Variants in PARD3B observed in about 807,000 individuals in gnomAD.
PARD3B encodes par-3 family cell polarity regulator beta.
PARD3B carries 103 observed loss-of-function variants against 130.2 expected under a neutral mutation model. The observed-to-expected ratio is 0.79, with a 90% CI of 0.67 to 0.93. The LOEUF (loss-of-function observed/expected upper bound fraction) is 0.93, where lower values mean the gene tolerates loss of function less well. PARD3B is among the 40% of genes least tolerant of loss of function. The pLI is 0.00. For synonymous variants in PARD3B, 583 were observed against 553.2 expected (o/e 1.05, Z -0.76); for missense variants, 1,609 against 1,499.2 (o/e 1.07, Z -1.21).
chr2:204,666,198 T>A (rs2036015128), intron 1 of PARD3B, among the ~76,000 whole-genome samples: 3 of 151,920 alleles, frequency 2.0e-5, no homozygotes, highest in Non-Finnish European at 2.9e-5. Context: ...AAGCAACTAA[T>A]CATAGAGGCA....
At chr2:205,496,916 G>T (rs1284452070) in intron 20 of PARD3B, among the ~76,000 whole-genome samples, 1 of 151,540 alleles carries the variant, frequency 6.6e-6, no homozygotes, top group African/African-American at 2.4e-5. Context: ...TTTGCACCAT[G>T]TTGATTGAAC....
chr2:204,674,139 A>C (rs2125215387), intron 1 of PARD3B, among the ~76,000 whole-genome samples: 1 of 152,328 alleles, frequency 6.6e-6, no homozygotes, highest in Middle Eastern at 3.4e-3. Flanking sequence ...AAGATAAATG[A>C]GGTTTCTGAA....
chr2:205,099,219 G>C (rs749983916), intron 4 of PARD3B, among the ~76,000 whole-genome samples: 11 of 152,136 alleles, frequency 7.2e-5, no homozygotes, highest in African/African-American at 2.7e-4. Context: ...AATAGAAGCT[G>C]TAAGAATTAT....
chr2:204,616,773 A>G (rs59978061), intron 1 of PARD3B, among the ~76,000 whole-genome samples: 2,680 of 152,304 alleles, frequency 0.018, 76 homozygotes, highest in East Asian at 0.13. Context: ...AGACAATGGA[A>G]TATTATTCAG....
At chr2:205,262,983 G>C (rs1180456844) in intron 16 of PARD3B, among the ~76,000 whole-genome samples, 1 of 151,994 alleles carries the variant, frequency 6.6e-6, no homozygotes, top group African/African-American at 2.4e-5. Flanking sequence ...GAAAATTCTG[G>C]ATCTAGGCAT....
chr2:204,982,073 TGGTAAGTTGA>T (rs1171133506), intron 3 of PARD3B, among the ~76,000 whole-genome samples: 3 of 152,174 alleles, frequency 2.0e-5, no homozygotes, highest in Non-Finnish European at 4.4e-5. Flanking sequence ...AGACAACTTC[TGGTAAGTTGA>T]GCCTGTCAGT....
intron 1 of PARD3B, among the ~76,000 whole-genome samples, chr2:204,625,905 A>G (rs1171843667): frequency 1.3e-5 from 2 of 152,180 alleles, no homozygotes; most frequent in African/African-American, 2.4e-5. Context: ...GAGACTAAAT[A>G]TGCTTAAAAT....
intron 1 of PARD3B, among the ~76,000 whole-genome samples, chr2:204,613,599 A>G (rs901946354): frequency 2.0e-5 from 3 of 150,682 alleles, no homozygotes; most frequent in African/African-American, 7.3e-5. Context: ...TTGGCCACCT[A>G]TTTTCCCTTT....
intron 12 of PARD3B, among the ~76,000 whole-genome samples, chr2:205,174,404 C>T (rs756245242): frequency 2.0e-5 from 3 of 152,180 alleles, no homozygotes; most frequent in Non-Finnish European, 4.4e-5. Context: ...ACTTGACTCT[C>T]GGCTACTGAG....
intron 19 of PARD3B, among the ~76,000 whole-genome samples, chr2:205,437,918 A>G (rs1005407447): frequency 4.6e-5 from 7 of 152,220 alleles, no homozygotes; most frequent in African/African-American, 1.7e-4. Flanking sequence ...GACTATAAAC[A>G]AGTAAAATTC....
rs142960472 is a variant in PARD3B, at chr2:205,536,021, C to G, written c.3181-17303C>G. ...AGCCTAATAAAAATGTGGCAGCAGGCCTAATGAAAATTGGAATGGATCTAA... is the reference window on the plus strand; with the variant it reads ...AGCCTAATAAAAATGTGGCAGCAGGGCTAATGAAAATTGGAATGGATCTAA... On this transcript the variant is annotated intron_variant, in intron 21 of 22. Coordinates refer to ENST00000406610, the MANE Select transcript of PARD3B (RefSeq NM_001302769.2). Among the ~76,000 whole-genome samples, 460 of 152,184 alleles carry G rather than the reference C, an allele frequency of 3.0e-3. 4 individuals carry two copies. The highest frequency in any genetic ancestry group is 0.011 in the African/African-American group (443 of 41,538).
intron 2 of PARD3B, among the ~76,000 whole-genome samples, chr2:204,789,245 A>G (rs1230028743): frequency 2.6e-5 from 4 of 152,034 alleles, no homozygotes; most frequent in Non-Finnish European, 5.9e-5. Context: ...TTAATTTTTC[A>G]TAGAGATGGG....
Position 205,119,057 on chromosome 2 carries a change from T to C in PARD3B, c.806+11T>C, listed in dbSNP as rs2125613627. The C allele has an allele frequency of 6.3e-7, 1 of 1,594,852 alleles. No individual in the cohort carries two copies. Among genetic ancestry groups the C allele is most frequent in the East Asian group, 2.2e-5 (1 of 44,512 alleles). ...CAAAACCTTTGCTCAGTAAGCATTT[T>C]TTCATTGTTTTATTTACTTTCTTGA... On this transcript the variant is annotated intron_variant, in intron 7 of 22. Coordinates refer to ENST00000406610, the MANE Select transcript of PARD3B (RefSeq NM_001302769.2).
rs1440738670 is a variant in PARD3B at position 204,675,584 on chromosome 2, C to T, written c.121-10597C>T. 6.6e-6 allele frequency among the ~76,000 whole-genome samples: 1 copy of T among 151,994 alleles called. No individual in the cohort carries two copies. Among genetic ancestry groups the T allele is most frequent in the Admixed American group, 6.5e-5 (1 of 15,272 alleles). ...GTTCTTTATTAAAAAAAAGCTCTAT[C>T]TAGATCTGGACCTTTTCTTCTCAAA... On this transcript the variant is annotated intron_variant, in intron 1 of 22. Transcript: ENST00000406610. The surrounding 1 kb of genome is among the most constrained non-coding windows in gnomAD (Gnocchi z 4.4).
chr2:204,559,551 A>C (rs889461166), intron 1 of PARD3B, among the ~76,000 whole-genome samples: 13 of 152,228 alleles, frequency 8.5e-5, no homozygotes, highest in Non-Finnish European at 1.5e-4. Context: ...GATGCTGGAG[A>C]GGATGTGGAG....
At chr2:204,895,303 AGCTTTTTAT>A (rs2046601129) in intron 2 of PARD3B, among the ~76,000 whole-genome samples, 1 of 152,134 alleles carries the variant, frequency 6.6e-6, no homozygotes, top group Non-Finnish European at 1.5e-5. Context: ...TTAAACCAAA[AGCTTTTTAT>A]GCAACTTTAA....
intron 2 of PARD3B, among the ~76,000 whole-genome samples, chr2:204,819,416 A>AT (rs765728548): frequency 5.3e-5 from 8 of 152,202 alleles, no homozygotes; most frequent in Non-Finnish European, 8.8e-5. Context: ...AGCAAACTTA[A>AT]TAAGTGCATG....
In PARD3B at chr2:204,958,662, G is replaced by T. The variant is rs75581522; in HGVS notation, c.223-6490G>T. Reference sequence around the variant, plus strand: ...GAGAAGGATAGCTATGGTAGGAAAAGAAATTAAATTTAACCTTTCATTGTG... The same window carrying T: ...GAGAAGGATAGCTATGGTAGGAAAATAAATTAAATTTAACCTTTCATTGTG... On this transcript the variant is annotated intron_variant, in intron 2 of 22. Transcript: ENST00000406610. Among the ~76,000 whole-genome samples, 15 of 152,274 alleles carry T rather than the reference G, an allele frequency of 9.9e-5. No homozygotes were observed. The East Asian group carries it at 2.9e-3, about 29-fold the overall frequency.
chr2:204,718,720 C>G (rs532228991), intron 2 of PARD3B, among the ~76,000 whole-genome samples: 4 of 152,170 alleles, frequency 2.6e-5, no homozygotes, highest in African/African-American at 9.7e-5. Flanking sequence ...GGGTCAGATT[C>G]GCAGGGAGCA....
Sources: allele counts gnomAD v4.1 joint callset (sites outside exome capture counted in the v4.1 genomes callset), GRCh38; gene constraint gnomAD v4.1.1; non-coding constraint Gnocchi (gnomAD v3.1); transcripts MANE v1.5; gene names NCBI Gene and HGNC (gene_info 2026-07-23, HGNC 2026-07-21).